The following STAG1 variants were observed in gnomAD, a reference collection of about 807,000 sequenced individuals.
STAG1 encodes cohesin subunit SA-1.
STAG1 carries 26 observed loss-of-function variants against 170.9 expected under a neutral mutation model. The ratio of observed to expected loss-of-function variants is 0.15; its 90% CI spans 0.11 to 0.21. STAG1 has a LOEUF of 0.21. STAG1 is among the 10% of genes least tolerant of loss of function. STAG1 has a pLI of 1.00. For synonymous variants in STAG1, 514 were observed against 497.7 expected (o/e 1.03, Z -0.44); for missense variants, 964 against 1,509.5 (o/e 0.64, Z 5.99).
intron 1 of STAG1, among the ~76,000 whole-genome samples, chr3:136,713,452 G>A (rs1245133260): frequency 1.3e-5 from 2 of 151,952 alleles, no homozygotes; most frequent in East Asian, 3.9e-4. Flanking sequence ...GCGTGGTGGT[G>A]CATACCTGTA....
intron 8 of STAG1, among the ~76,000 whole-genome samples, chr3:136,501,303 T>C (rs753141371): frequency 7.9e-5 from 12 of 152,214 alleles, no homozygotes; most frequent in Non-Finnish European, 1.8e-4. Context: ...GGTTAAACTA[T>C]GTTCCTTAAA....
At chr3:136,475,002 C>G (rs918904600) in intron 10 of STAG1, among the ~76,000 whole-genome samples, 4 of 152,082 alleles carry the variant, frequency 2.6e-5, no homozygotes, top group African/African-American at 7.2e-5. Context: ...TGCTTCTGTA[C>G]AGGATACCCT....
At chr3:136,576,100 A>G (rs191600285) in intron 4 of STAG1, among the ~76,000 whole-genome samples, 30 of 152,320 alleles carry the variant, frequency 2.0e-4, no homozygotes, top group Non-Finnish European at 2.8e-4. Flanking sequence ...AAACAATTTT[A>G]ATGTCTATAA....
At chr3:136,589,169 G>A (rs1938014282) in intron 4 of STAG1, among the ~76,000 whole-genome samples, 1 of 152,056 alleles carries the variant, frequency 6.6e-6, no homozygotes, top group South Asian at 2.1e-4. Flanking sequence ...GGGATTACAG[G>A]CATGAGCCAC....
intron 7 of STAG1, among the ~76,000 whole-genome samples, chr3:136,520,970 T>G (rs1404061877): frequency 1.3e-5 from 2 of 152,128 alleles, no homozygotes; most frequent in Non-Finnish European, 1.5e-5. Context: ...TAAATAAGGA[T>G]GTACATTAGT....
chr3:136,350,409 A>G (rs925897074), intron 28 of STAG1, among the ~76,000 whole-genome samples: 1 of 152,182 alleles, frequency 6.6e-6, no homozygotes, highest in Non-Finnish European at 1.5e-5. Flanking sequence ...CTGAACAGCA[A>G]CCAGGAAAAA....
intron 1 of STAG1, among the ~76,000 whole-genome samples, chr3:136,697,198 T>TA (rs1454258748): frequency 1.3e-5 from 2 of 152,226 alleles, no homozygotes; most frequent in Non-Finnish European, 2.9e-5. Context: ...TAACATTTTT[T>TA]ACCTTGAAAT....
At chr3:136,695,794 A>C (rs1415713651) in intron 1 of STAG1, among the ~76,000 whole-genome samples, 1 of 151,914 alleles carries the variant, frequency 6.6e-6, no homozygotes, top group Non-Finnish European at 1.5e-5. Flanking sequence ...TTCAATCCGA[A>C]AGAGACTTAC....
At chr3:136,380,136 T>C (rs984812301) in intron 22 of STAG1, among the ~76,000 whole-genome samples, 9 of 152,190 alleles carry the variant, frequency 5.9e-5, no homozygotes, top group East Asian at 1.9e-4. Context: ...ACAGCACCCA[T>C]AGATGCTAAG....
At chr3:136,454,224 G>A (rs186922330) in intron 13 of STAG1, among the ~76,000 whole-genome samples, 1 of 151,976 alleles carries the variant, frequency 6.6e-6, no homozygotes, top group African/African-American at 2.4e-5. Flanking sequence ...GATTACAGGT[G>A]CCTGCCACCA....
chr3:136,471,921 T>A (rs915650689), intron 12 of STAG1, among the ~76,000 whole-genome samples: 1 of 152,180 alleles, frequency 6.6e-6, no homozygotes, highest in Admixed American at 6.6e-5. Flanking sequence ...CACTGCAGCT[T>A]TGACCTTCTG....
At chr3:136,640,798 G>T (rs576301757) in intron 1 of STAG1, among the ~76,000 whole-genome samples, 21 of 149,564 alleles carry the variant, frequency 1.4e-4, no homozygotes, top group Non-Finnish European at 2.4e-4. Flanking sequence ...TCAGCCTCCC[G>T]AGTAGTTGGG....
At chr3:136,423,780 C>CT (rs2088028980) in intron 16 of STAG1, among the ~76,000 whole-genome samples, 1 of 152,008 alleles carries the variant, frequency 6.6e-6, no homozygotes, top group African/African-American at 2.4e-5. Flanking sequence ...TAAATTGCCA[C>CT]TTCATAAATG....
At chr3:136,593,892 T>A (rs1938303599) in intron 4 of STAG1, among the ~76,000 whole-genome samples, 1 of 152,222 alleles carries the variant, frequency 6.6e-6, no homozygotes, top group Non-Finnish European at 1.5e-5. Context: ...TATTTCTGTC[T>A]TTCAATGTGT....
chr3:136,567,199 T>G (rs1937111613), intron 5 of STAG1, among the ~76,000 whole-genome samples: 1 of 152,200 alleles, frequency 6.6e-6, no homozygotes. Flanking sequence ...GCTTTCAAAT[T>G]AAAACCCAAT....
intron 6 of STAG1, among the ~76,000 whole-genome samples, chr3:136,531,761 G>A (rs537842180): frequency 8.0e-5 from 12 of 149,224 alleles, no homozygotes; most frequent in Non-Finnish European, 1.2e-4. Context: ...GGACTGTTGT[G>A]GGGTGCGGGG....
At chr3:136,419,914 T>C (rs560341516) in intron 20 of STAG1, among the ~76,000 whole-genome samples, 5 of 152,222 alleles carry the variant, frequency 3.3e-5, no homozygotes, top group East Asian at 1.9e-4. Context: ...CATTAAGTGA[T>C]AGCTAAATCA....
At chr3:136,608,236 G>T (rs1939060026) in intron 3 of STAG1, among the ~76,000 whole-genome samples, 1 of 150,114 alleles carries the variant, frequency 6.7e-6, no homozygotes, top group Non-Finnish European at 1.5e-5. Flanking sequence ...TCCAGCCTGG[G>T]CAACAGAGCA....
chr3:136,454,492 T>C (rs1006561331), intron 13 of STAG1, among the ~76,000 whole-genome samples: 1 of 151,690 alleles, frequency 6.6e-6, no homozygotes, highest in African/African-American at 2.4e-5. Context: ...GATTCTCCTG[T>C]CTCGGCCTCT....
Sources: gnomAD v4.1 joint callset for allele counts (sites outside exome capture counted in the v4.1 genomes callset) on GRCh38, gnomAD v4.1.1 for gene constraint, MANE v1.5 for transcripts, NCBI Gene and HGNC (gene_info 2026-07-23, HGNC 2026-07-21) for gene names.